The following CLSTN1 variants were observed in gnomAD, a reference collection of about 807,000 sequenced individuals.
CLSTN1 encodes calsyntenin-1.
Under a neutral mutation model 108.3 loss-of-function variants are expected in CLSTN1, and 28 were observed. The observed-to-expected ratio is 0.26, with a 90% CI of 0.19 to 0.35. The LOEUF (loss-of-function observed/expected upper bound fraction) is 0.35, where lower values mean the gene tolerates loss of function less well. CLSTN1 is among the 10% of genes least tolerant of loss of function. The pLI is 1.00. For synonymous variants in CLSTN1, 524 were observed against 534.9 expected (o/e 0.98, Z 0.28); for missense variants, 1,157 against 1,302.6 (o/e 0.89, Z 1.72).
At chr1:9,747,871 G>A (rs569372110) in intron 7 of CLSTN1, among the ~76,000 whole-genome samples, 1 of 151,686 alleles carries the variant, frequency 6.6e-6, no homozygotes, top group African/African-American at 2.4e-5. Flanking sequence ...GTGAAACCCC[G>A]TTTCTACTAA....
chr1:9,769,369 C>A (rs1181245515), intron 2 of CLSTN1, among the ~76,000 whole-genome samples: 1 of 152,028 alleles, frequency 6.6e-6, no homozygotes, highest in Middle Eastern at 3.4e-3. Flanking sequence ...CCCATAATAG[C>A]CAAAAAGTAG....
chr1:9,733,635 T>C, intron 15 of CLSTN1, 89 bp from the exon 16 acceptor site: 1 of 1,515,158 alleles, frequency 6.6e-7, no homozygotes, highest in Non-Finnish European at 9.1e-7. Flanking sequence ...CAGGCTCAAT[T>C]AGACACCCAG....
intron 1 of CLSTN1, among the ~76,000 whole-genome samples, chr1:9,784,370 T>C (rs1570489060): frequency 6.6e-6 from 1 of 150,892 alleles, no homozygotes; most frequent in South Asian, 2.1e-4. Context: ...TTAGCTGGCA[T>C]GGTGGCACAT....
At chr1:9,772,823 G>A (rs968793731) in intron 2 of CLSTN1, among the ~76,000 whole-genome samples, 2 of 152,128 alleles carry the variant, frequency 1.3e-5, no homozygotes, top group Admixed American at 1.3e-4. Flanking sequence ...TCAGGTCATT[G>A]AAATCTAGGT....
intron 2 of CLSTN1, among the ~76,000 whole-genome samples, chr1:9,765,245 G>A (rs562602227): frequency 9.9e-5 from 15 of 152,066 alleles, no homozygotes; most frequent in South Asian, 6.2e-4. Context: ...TTAGCCGGGC[G>A]TGGTGGCGGG....
chr1:9,806,292 A>T (rs919029750), intron 1 of CLSTN1, among the ~76,000 whole-genome samples: 2 of 151,968 alleles, frequency 1.3e-5, no homozygotes, highest in African/African-American at 4.8e-5. Context: ...TAAGAGCAAA[A>T]CTCTGTCTCG....
rs771009844 is a variant in CLSTN1, at chr1:9,731,891, A to G, written c.2433T>C (p.Asn811=). ...YISNEFKVEV[N]VIHTANPMEH... ...CCATGGGGTTGGCCGTGTGGATTAC[A>G]TTCACCTATAGCAGAGAAAGAGAGG... is the stretch of plus-strand genomic sequence containing the variant. Residue 811 remains asparagine, a synonymous_variant, in exon 17 of 19, where the codon AAT becomes AAC. Coordinates refer to ENST00000377298, the MANE Select transcript of CLSTN1 (RefSeq NM_001009566.3). The G allele has an allele frequency of 1.9e-5, 30 of 1,614,042 alleles. No individual in the cohort carries two copies. The highest frequency in any genetic ancestry group is 2.5e-5 in the Non-Finnish European group (29 of 1,180,044).
chr1:9,807,155 A>G (rs1323997749), intron 1 of CLSTN1, among the ~76,000 whole-genome samples: 1 of 152,056 alleles, frequency 6.6e-6, no homozygotes, highest in Non-Finnish European at 1.5e-5. Context: ...GCCTGTGAGA[A>G]GCCCTGCAGT....
chr1:9,794,980 AACTG>A (rs1335597685), intron 1 of CLSTN1, among the ~76,000 whole-genome samples: 3 of 150,898 alleles, frequency 2.0e-5, no homozygotes, highest in Non-Finnish European at 4.4e-5. Context: ...TACTGTCACC[AACTG>A]ACTAGGATTG....
At chr1:9,815,377 G>A (rs1173833845) in intron 1 of CLSTN1, among the ~76,000 whole-genome samples, 1 of 152,294 alleles carries the variant, frequency 6.6e-6, no homozygotes. Context: ...AAGTATAGAG[G>A]AAAGAACTTT....
chr1:9,774,867 AACGAAGGGTGGATT>A (rs1471236027), intron 1 of CLSTN1, among the ~76,000 whole-genome samples: 1 of 152,106 alleles, frequency 6.6e-6, no homozygotes, highest in Admixed American at 6.5e-5. Context: ...TTACACGCTA[AACGAAGGGTGGATT>A]ATTCATGAGT....
rs1301200754 is a variant in CLSTN1 at position 9,755,305 on chromosome 1, C to G, written c.249G>C (p.Glu83Asp). The G allele has an allele frequency of 1.2e-6, 2 of 1,611,332 alleles. No individual in the cohort carries two copies. Among genetic ancestry groups the G allele is most frequent in the African/African-American group, 2.7e-5 (2 of 74,882 alleles). ...SFEVTVTKEG[E>D]ICGFKIHGQN... is the part of the protein sequence containing the mutation. ...GCCCGTGAATTTTAAATCCACAAAT[C>G]TCACCTAGGGAGTCAAAGCAGAACA... Residue 83 changes from glutamate (E) to aspartate (D), a missense_variant, in exon 4 of 19, where the codon GAG becomes GAC. By Grantham distance (45) the Glu-to-Asp change is conservative (BLOSUM62 2). Transcript: ENST00000377298.
chr1:9,740,032 G>A (rs1185691054), intron 10 of CLSTN1, among the ~76,000 whole-genome samples: 2 of 152,012 alleles, frequency 1.3e-5, no homozygotes, highest in Non-Finnish European at 2.9e-5. Flanking sequence ...TAGCCAGGAT[G>A]GTCTTGATCT....
At chr1:9,757,154 T>A (rs1651854623) in intron 2 of CLSTN1, among the ~76,000 whole-genome samples, 1 of 152,044 alleles carries the variant, frequency 6.6e-6, no homozygotes, top group African/African-American at 2.4e-5. Flanking sequence ...AGTTTTCAGA[T>A]GTTCATTTCC....
chr1:9,777,015 G>C (rs1015954467), intron 1 of CLSTN1, among the ~76,000 whole-genome samples: 1 of 151,926 alleles, frequency 6.6e-6, no homozygotes, highest in Non-Finnish European at 1.5e-5. Flanking sequence ...TCAGGAGTTT[G>C]AGACCAGCCT....
At chr1:9,745,022 G>T (rs1262967831) in intron 7 of CLSTN1, among the ~76,000 whole-genome samples, 3 of 152,164 alleles carry the variant, frequency 2.0e-5, no homozygotes, top group Admixed American at 2.0e-4. Context: ...AAAGTGCTGG[G>T]ATTACAGGCG....
At chr1:9,822,238 T>C (rs911189915) in intron 1 of CLSTN1, among the ~76,000 whole-genome samples, 4 of 152,234 alleles carry the variant, frequency 2.6e-5, no homozygotes, top group Non-Finnish European at 4.4e-5. Flanking sequence ...TTGATGTTAC[T>C]TTTAAAAATC....
intron 1 of CLSTN1, among the ~76,000 whole-genome samples, chr1:9,793,539 G>C (rs772440033): frequency 6.6e-6 from 1 of 151,506 alleles, no homozygotes; most frequent in Non-Finnish European, 1.5e-5. Flanking sequence ...CCCCAACAGA[G>C]AACAATGGCC....
At chr1:9,761,182 C>G (rs1303064052) in intron 2 of CLSTN1, among the ~76,000 whole-genome samples, 1 of 152,100 alleles carries the variant, frequency 6.6e-6, no homozygotes, top group African/African-American at 2.4e-5. Context: ...CTAAAATGGT[C>G]AAAAGGAACT....
Sources: allele counts gnomAD v4.1 joint callset (sites outside exome capture counted in the v4.1 genomes callset), GRCh38; gene constraint gnomAD v4.1.1; transcripts MANE v1.5; gene names NCBI Gene and HGNC (gene_info 2026-07-23, HGNC 2026-07-21).